The following RGS8 variants were observed in gnomAD, a reference collection of about 807,000 sequenced individuals.
RGS8 encodes regulator of G-protein signaling 8.
RGS8 carries 8 observed loss-of-function variants against 21.7 expected under a neutral mutation model. The observed-to-expected ratio is 0.37, with a 90% CI of 0.22 to 0.66. The LOEUF is 0.66. Among genes scored for constraint, RGS8 ranks in the 30% least tolerant of loss-of-function variants. The pLI, the probability that RGS8 is intolerant of heterozygous loss-of-function variation, is 0.59. For missense variants in RGS8, 157 were observed against 217.9 expected, an observed-to-expected ratio of 0.72 and a Z score of 1.76; for synonymous variants, 80 against 83.6, an observed-to-expected ratio of 0.96 and a Z score of 0.24.
upstream of RGS8, among the ~76,000 whole-genome samples, chr1:182,676,617 G>C (rs898171898): frequency 6.6e-6 from 1 of 152,194 alleles, no homozygotes; most frequent in African/African-American, 2.4e-5. Context: ...CTGTTCATCA[G>C]TTCAAGCATC....
the RGS8 span, among the ~76,000 whole-genome samples, chr1:182,742,411 G>A: frequency 2.0e-5 from 3 of 151,128 alleles, no homozygotes; most frequent in South Asian, 2.1e-4. Flanking sequence ...AGGTTGTAGC[G>A]AGCCGAGATC....
At chr1:182,739,574 A>G in the RGS8 span, among the ~76,000 whole-genome samples, 1 of 152,150 alleles carries the variant, frequency 6.6e-6, no homozygotes, top group African/African-American at 2.4e-5. Context: ...AAAGTATTGT[A>G]TATTGGCTTT....
the RGS8 span, among the ~76,000 whole-genome samples, chr1:182,740,877 T>A: frequency 2.0e-5 from 3 of 152,100 alleles, no homozygotes; most frequent in Admixed American, 6.5e-5. Flanking sequence ...GGGGGTAAGG[T>A]CACCTATCAA....
intron 3 of RGS8, among the ~76,000 whole-genome samples, chr1:182,668,237 G>A (rs1011682315): frequency 6.6e-6 from 1 of 152,174 alleles, no homozygotes; most frequent in Non-Finnish European, 1.5e-5. Flanking sequence ...AACTCCTTGT[G>A]TTGAGGGCAA....
the RGS8 span, among the ~76,000 whole-genome samples, chr1:182,704,393 G>T: frequency 6.6e-6 from 1 of 152,154 alleles, no homozygotes; most frequent in East Asian, 1.9e-4. Flanking sequence ...GGCAGGCCCC[G>T]TCATAAGCCC....
chr1:182,685,744 C>T (rs1006095995), upstream of RGS8, among the ~76,000 whole-genome samples: 3 of 152,160 alleles, frequency 2.0e-5, no homozygotes, highest in Non-Finnish European at 2.9e-5. Flanking sequence ...CACTGACCCA[C>T]GAGATGACCC....
At chr1:182,739,731 C>T in the RGS8 span, among the ~76,000 whole-genome samples, 1 of 152,074 alleles carries the variant, frequency 6.6e-6, no homozygotes, top group Non-Finnish European at 1.5e-5. Flanking sequence ...TTCACACCTC[C>T]TCCCACTCAC....
chr1:182,706,157 A>AT, the RGS8 span, among the ~76,000 whole-genome samples: 1 of 151,240 alleles, frequency 6.6e-6, no homozygotes, highest in South Asian at 2.1e-4. Flanking sequence ...TCATTTTTGT[A>AT]TTTTTTTTGT....
chr1:182,662,457 G>A (rs925161601), intron 5 of RGS8, among the ~76,000 whole-genome samples: 12 of 152,192 alleles, frequency 7.9e-5, no homozygotes, highest in African/African-American at 2.9e-4. Flanking sequence ...ATTTCTAAGA[G>A]ATTGAGAGAT....
At chr1:182,689,734 G>T in the RGS8 span, among the ~76,000 whole-genome samples, 1 of 152,150 alleles carries the variant, frequency 6.6e-6, no homozygotes, top group African/African-American at 2.4e-5. Flanking sequence ...AAAGAAAGCT[G>T]CTGAACTCCA....
At chr1:182,745,145 A>G in the RGS8 span, among the ~76,000 whole-genome samples, 4 of 152,376 alleles carry the variant, frequency 2.6e-5, no homozygotes, top group South Asian at 4.1e-4. Context: ...CTAACATTCA[A>G]TCTGCAAGAC....
chr1:182,716,126 G>GTTT, the RGS8 span, among the ~76,000 whole-genome samples: 32 of 146,180 alleles, frequency 2.2e-4, 1 homozygote, highest in South Asian at 2.6e-3. Context: ...CTGTTTTTTG[G>GTTT]TTTTTTTTTT....
chr1:182,702,620 A>G, the RGS8 span, among the ~76,000 whole-genome samples: 1 of 152,262 alleles, frequency 6.6e-6, no homozygotes, highest in East Asian at 1.9e-4. Context: ...TAAACTAATA[A>G]GGCTAAAGAT....
chr1:182,669,986 G>T (rs762509617), intron 2 of RGS8, among the ~76,000 whole-genome samples: 9 of 152,198 alleles, frequency 5.9e-5, no homozygotes, highest in Non-Finnish European at 1.3e-4. Flanking sequence ...CCAACCACTG[G>T]CCATCAAATA....
At chr1:182,742,275 G>A in the RGS8 span, among the ~76,000 whole-genome samples, 1 of 150,716 alleles carries the variant, frequency 6.6e-6, no homozygotes, top group South Asian at 2.1e-4. Context: ...AGGCAGAGGG[G>A]CTCCTCACAT....
intron 2 of RGS8, among the ~76,000 whole-genome samples, chr1:182,670,909 C>T (rs1018951884): frequency 2.0e-5 from 3 of 152,168 alleles, no homozygotes; most frequent in Non-Finnish European, 2.9e-5. Context: ...GCTTTTGCAG[C>T]TGTGCCGGTC....
chr1:182,658,091 A>G (rs1347334680), intron 5 of RGS8, among the ~76,000 whole-genome samples: 1 of 152,240 alleles, frequency 6.6e-6, no homozygotes, highest in Non-Finnish European at 1.5e-5. Context: ...AGAAAGGGAA[A>G]GGCTTGTGTC....
intron 1 of RGS8, among the ~76,000 whole-genome samples, chr1:182,681,611 C>G (rs1323481623): frequency 6.6e-6 from 1 of 152,154 alleles, no homozygotes; most frequent in Non-Finnish European, 1.5e-5. Flanking sequence ...GTCTGGGACT[C>G]TGGGGACAGT....
At chr1:182,665,453 T>A (rs950659745) in intron 5 of RGS8, among the ~76,000 whole-genome samples, 3 of 152,074 alleles carry the variant, frequency 2.0e-5, no homozygotes, top group African/African-American at 7.2e-5. Context: ...GTATACTCAG[T>A]AAGAAATTGA....
Sources: gnomAD v4.1 joint callset for allele counts (sites outside exome capture counted in the v4.1 genomes callset) on GRCh38, gnomAD v4.1.1 for gene constraint, MANE v1.5 for transcripts, NCBI Gene and HGNC (gene_info 2026-07-23, HGNC 2026-07-21) for gene names.